GPR63: variants seen among roughly 807,000 people sequenced by gnomAD.
GPR63 encodes G protein-coupled receptor 63, also known as probable G protein-coupled receptor 63.
In GPR63, 12 loss-of-function variants were observed where a neutral mutation model predicts 23.1. The observed-to-expected ratio is 0.52, with a 90% CI of 0.33 to 0.84. The LOEUF (loss-of-function observed/expected upper bound fraction) is 0.84. GPR63 is among the 40% of genes least tolerant of loss of function. GPR63 has a pLI of 0.02. For missense variants in GPR63, 472 were observed against 515.6 expected (o/e 0.92, Z 0.82); for synonymous variants, 172 against 191.1 (o/e 0.90, Z 0.82).
At chr6:96,805,697 T>C (rs1040604606) in intron 1 of GPR63, among the ~76,000 whole-genome samples, 6 of 152,214 alleles carry the variant, frequency 3.9e-5, no homozygotes, top group African/African-American at 1.4e-4. Flanking sequence ...AAGGGTATAA[T>C]GGTAGGAAAG....
chr6:96,837,198 C>G (rs1203625486), intron 1 of GPR63, 70 bp downstream of exon 1: 1 of 152,342 alleles, frequency 6.6e-6, no homozygotes, highest in African/African-American at 2.4e-5. Flanking sequence ...TGCAAGCGCT[C>G]CCCGCCCCGA....
chr6:96,822,945 CTTTCA>C (rs1774348762), intron 1 of GPR63, among the ~76,000 whole-genome samples: 1 of 152,104 alleles, frequency 6.6e-6, no homozygotes, highest in African/African-American at 2.4e-5. Flanking sequence ...TGAAAAATTC[CTTTCA>C]TAAGATTATA....
At chr6:96,812,838 T>A (rs1428409228) in intron 1 of GPR63, among the ~76,000 whole-genome samples, 1 of 152,168 alleles carries the variant, frequency 6.6e-6, no homozygotes, top group Non-Finnish European at 1.5e-5. Context: ...AACATTTCTA[T>A]GTGTTGGGAA....
intron 1 of GPR63, among the ~76,000 whole-genome samples, chr6:96,821,743 T>TA (rs1774318516): frequency 1.3e-5 from 2 of 152,174 alleles, no homozygotes; most frequent in Non-Finnish European, 2.9e-5. Flanking sequence ...ACCAAGACCA[T>TA]ATATGACATG....
intron 1 of GPR63, among the ~76,000 whole-genome samples, chr6:96,815,004 C>T (rs907189473): frequency 7.2e-5 from 11 of 152,170 alleles, no homozygotes; most frequent in African/African-American, 2.7e-4. Flanking sequence ...TCTTGAAATC[C>T]AAACACTATG....
intron 1 of GPR63, among the ~76,000 whole-genome samples, chr6:96,814,816 T>C (rs1774123165): frequency 6.6e-6 from 1 of 152,094 alleles, no homozygotes; most frequent in Non-Finnish European, 1.5e-5. Flanking sequence ...ATAATGTGTT[T>C]TACAAAATGA....
At chr6:96,826,610 A>C (rs1774444884) in intron 1 of GPR63, among the ~76,000 whole-genome samples, 3 of 152,096 alleles carry the variant, frequency 2.0e-5, no homozygotes, top group African/African-American at 7.2e-5. Flanking sequence ...CATGTTTATG[A>C]TCCCAGAAAT....
At chr6:96,809,173 A>G (rs1773977333) in intron 1 of GPR63, among the ~76,000 whole-genome samples, 1 of 152,172 alleles carries the variant, frequency 6.6e-6, no homozygotes, top group South Asian at 2.1e-4. Context: ...GCTGGAGTAC[A>G]CTGGCTTTAC....
At position 96,799,611 on chromosome 6, in the gene GPR63, T is replaced by C. The variant is rs1773705483; in HGVS notation, c.121A>G (p.Ser41Gly). ...LPPPFQHPDL[S>G]PLLRYSFETM... ...TCAAAACTATATCTAAGCAATGGAC[T>C]GAGGTCAGGATGCTGGAATGGTGGA... The change falls in exon 2 of 2, where the codon AGT (serine) becomes GGT (glycine). Residue 41 changes from serine (S) to glycine (G), a missense_variant. Transcript: ENST00000229955. 1 of 1,614,048 alleles carries C rather than the reference T, an allele frequency of 6.2e-7. No individual in the cohort carries two copies. The highest frequency in any genetic ancestry group is 8.5e-7 in the Non-Finnish European group (1 of 1,180,042).
chr6:96,818,792 A>G (rs1258084880), intron 1 of GPR63, among the ~76,000 whole-genome samples: 1 of 152,250 alleles, frequency 6.6e-6, no homozygotes, highest in African/African-American at 2.4e-5. Context: ...ACAAAAGTCT[A>G]ATATCCAGAA....
chr6:96,825,612 T>G (rs1178050273), intron 1 of GPR63, among the ~76,000 whole-genome samples: 1 of 152,038 alleles, frequency 6.6e-6, no homozygotes, highest in Non-Finnish European at 1.5e-5. Context: ...TTATTTCCAT[T>G]TTGGTGCCTG....
intron 1 of GPR63, among the ~76,000 whole-genome samples, chr6:96,812,423 C>T (rs1774067365): frequency 1.3e-5 from 2 of 152,070 alleles, no homozygotes; most frequent in Non-Finnish European, 2.9e-5. Flanking sequence ...TGTTACTTTT[C>T]CCCATAAATA....
chr6:96,807,927 G>A (rs761215935), intron 1 of GPR63, among the ~76,000 whole-genome samples: 2 of 152,152 alleles, frequency 1.3e-5, no homozygotes, highest in Non-Finnish European at 2.9e-5. Flanking sequence ...GAATGGTCAA[G>A]TAACATGTCC....
intron 1 of GPR63, among the ~76,000 whole-genome samples, chr6:96,818,232 C>T (rs1275217365): frequency 5.9e-5 from 9 of 151,910 alleles, no homozygotes; most frequent in East Asian, 1.9e-4. Context: ...GAGGCCAAGG[C>T]GGGTGGATCA....
chr6:96,812,271 A>C (rs1260379135), intron 1 of GPR63, among the ~76,000 whole-genome samples: 2 of 152,174 alleles, frequency 1.3e-5, no homozygotes, highest in Non-Finnish European at 2.9e-5. Flanking sequence ...ATGATGTTCC[A>C]TTCCTAACAT....
intron 1 of GPR63, among the ~76,000 whole-genome samples, chr6:96,831,841 G>A (rs1582281072): frequency 6.6e-6 from 1 of 151,978 alleles, no homozygotes; most frequent in East Asian, 1.9e-4. Flanking sequence ...GGGAGGCGGA[G>A]GTTGCTGTGA....
chr6:96,837,278 G>A lies in GPR63; in HGVS notation c.-161C>T, dbSNP rs941948765. 4 of 152,434 alleles carry A rather than the reference G, an allele frequency of 2.6e-5. No homozygotes were observed. The highest frequency in any genetic ancestry group is 7.2e-5 in the African/African-American group (3 of 41,472). 9.4% of individuals were successfully genotyped at this position (152,434 alleles called of 1,614,324 possible). A position where few individuals can be genotyped will look rare whatever the true frequency, so the allele number is the denominator to read the frequency against. ...CGAGCCTCACCTCACCTCAAGCGAA[G>A]GGCAGCGCGCGGGCGCCCGCGGAAG... On this transcript the variant is annotated 5_prime_UTR_variant, in exon 1 of 2. Coordinates refer to ENST00000229955, the MANE Select transcript of GPR63 (RefSeq NM_030784.4).
At chr6:96,828,421 G>A (rs932038395) in intron 1 of GPR63, among the ~76,000 whole-genome samples, 1 of 151,758 alleles carries the variant, frequency 6.6e-6, no homozygotes, top group Non-Finnish European at 1.5e-5. Flanking sequence ...GAATTTTGGG[G>A]GATACAATTC....
intron 1 of GPR63, among the ~76,000 whole-genome samples, chr6:96,833,268 A>G (rs941801045): frequency 1.3e-5 from 2 of 152,192 alleles, no homozygotes; most frequent in African/African-American, 4.8e-5. Flanking sequence ...ACATCCTCCC[A>G]GGATCAACTT....
Sources: gnomAD v4.1 joint callset for allele counts (sites outside exome capture counted in the v4.1 genomes callset) on GRCh38, gnomAD v4.1.1 for gene constraint, MANE v1.5 for transcripts, NCBI Gene and HGNC (gene_info 2026-07-23, HGNC 2026-07-21) for gene names.